Variants in CNTNAP5 observed in about 807,000 individuals in gnomAD.
CNTNAP5 encodes contactin associated protein family member 5.
A neutral mutation model predicts 150.2 loss-of-function variants in CNTNAP5; 72 were observed. The observed-to-expected ratio is 0.48, with a 90% confidence interval of 0.40 to 0.58. The LOEUF (loss-of-function observed/expected upper bound fraction) is 0.58. Among genes scored for constraint, CNTNAP5 ranks in the 20% least tolerant of loss-of-function variants. The pLI is 0.00. For synonymous variants in CNTNAP5, 672 were observed against 619.8 expected, an observed-to-expected ratio of 1.08 and a Z score of -1.25; for missense variants, 1,636 against 1,626.2, an observed-to-expected ratio of 1.01 and a Z score of -0.10.
chr2:124,122,867 C>T (rs1364366376), intron 1 of CNTNAP5, among the ~76,000 whole-genome samples: 3 of 151,726 alleles, frequency 2.0e-5, no homozygotes, highest in Non-Finnish European at 4.4e-5. Flanking sequence ...ATGTCAGTGC[C>T]CCTTCAAGGT....
intron 1 of CNTNAP5, among the ~76,000 whole-genome samples, chr2:124,057,425 G>T (rs948749290): frequency 3.2e-5 from 4 of 126,504 alleles, no homozygotes; most frequent in Non-Finnish European, 3.3e-5. Flanking sequence ...GGGACTGCAG[G>T]CACCCACCAG....
rs144771650 is a variant in CNTNAP5, at chr2:124,424,426, C to T, written c.529+6836C>T. 9.2e-5 allele frequency among the ~76,000 whole-genome samples: 14 copies of T among 152,238 alleles called. No homozygotes were observed. The East Asian group carries it at 2.5e-3, about 27-fold the overall frequency. On this transcript the variant is annotated intron_variant, in intron 4 of 23. Coordinates refer to ENST00000682447, the MANE Select transcript of CNTNAP5 (RefSeq NM_001367498.1). ...GGCAGTCCAATGTGAACTTTGATTC[C>T]CACTTTGTAAATCATAGCATTTTTA...
intron 8 of CNTNAP5, among the ~76,000 whole-genome samples, chr2:124,511,714 T>G (rs1694595157): frequency 6.6e-6 from 1 of 152,212 alleles, no homozygotes; most frequent in Non-Finnish European, 1.5e-5. Context: ...TGGTCCTGAA[T>G]GATTGGGAGT....
chr2:124,502,538 G>T (rs1026369498), intron 7 of CNTNAP5, among the ~76,000 whole-genome samples: 1 of 152,298 alleles, frequency 6.6e-6, no homozygotes, highest in African/African-American at 2.4e-5. Flanking sequence ...ATGCAGCTGT[G>T]TTCTGGCAGA....
At position 124,772,882 on chromosome 2, in the gene CNTNAP5, A is replaced by C; in HGVS notation, c.2617A>C (p.Asn873His). The change falls in exon 17 of 24, where the codon AAC (asparagine) becomes CAC (histidine). Residue 873 changes from asparagine to histidine, a missense_variant. Coordinates refer to ENST00000682447, the MANE Select transcript of CNTNAP5 (RefSeq NM_001367498.1). ...CCAGTCTCCTTCTCTTCTGAATGAC[A>C]ACCAATGGCACTATGTCCGGGCTGA... Reference protein sequence around the residue: ...VVQSPSLLNDNQWHYVRAERN... With the variant: ...VVQSPSLLNDHQWHYVRAERN... 6.2e-7 allele frequency: 1 copy of C among 1,613,670 alleles called. No individual in the cohort carries two copies. Among genetic ancestry groups the C allele is most frequent in the Non-Finnish European group, 8.5e-7 (1 of 1,179,732 alleles).
At chr2:124,328,554 C>T (rs1689274384) in intron 3 of CNTNAP5, among the ~76,000 whole-genome samples, 1 of 152,126 alleles carries the variant, frequency 6.6e-6, no homozygotes, top group Non-Finnish European at 1.5e-5. Flanking sequence ...TATTTAAGTG[C>T]TTATAAGCGT....
chr2:124,897,853 T>C (rs1222476137), intron 21 of CNTNAP5, among the ~76,000 whole-genome samples: 2 of 151,392 alleles, frequency 1.3e-5, no homozygotes, highest in Non-Finnish European at 2.9e-5. Flanking sequence ...TGTCTCACTT[T>C]CTCACTTTAT....
At chr2:124,453,440 A>C (rs1365512990) in intron 6 of CNTNAP5, among the ~76,000 whole-genome samples, 1 of 152,242 alleles carries the variant, frequency 6.6e-6, no homozygotes, top group Non-Finnish European at 1.5e-5. Context: ...GAGAAATCTA[A>C]ATGTTTGGAA....
intron 21 of CNTNAP5, among the ~76,000 whole-genome samples, chr2:124,878,139 C>A (rs989799112): frequency 6.6e-6 from 1 of 151,988 alleles, no homozygotes; most frequent in Non-Finnish European, 1.5e-5. Context: ...AGAAGCTCTG[C>A]ATCAAAAGTT....
chr2:124,491,608 T>C (rs1412259922), intron 7 of CNTNAP5, among the ~76,000 whole-genome samples: 2 of 152,136 alleles, frequency 1.3e-5, no homozygotes, highest in Admixed American at 6.5e-5. Flanking sequence ...AGATGTATAC[T>C]CAGAAGTGGA....
chr2:124,482,619 C>T (rs545168657), intron 7 of CNTNAP5, among the ~76,000 whole-genome samples: 6 of 151,966 alleles, frequency 3.9e-5, no homozygotes, highest in Admixed American at 6.6e-5. Context: ...TGTTATTTGC[C>T]GAAGAAATCT....
rs571571077 is a variant in CNTNAP5, at chr2:124,154,398, G to C, written c.83-67307G>C. Among the ~76,000 whole-genome samples, 15 of 152,186 alleles carry C rather than the reference G, an allele frequency of 9.9e-5. No individual in the cohort carries two copies. The South Asian group carries it at 2.1e-3, about 21-fold the overall frequency. On this transcript the variant is annotated intron_variant, in intron 1 of 23. Transcript: ENST00000682447. ...GCAAAATGGGTGCTATGAGCTGATG[G>C]GGGTGAGGAGAGGTGGAATGAGAGC...
chr2:124,701,511 T>C (rs1679520745), intron 13 of CNTNAP5, among the ~76,000 whole-genome samples: 2 of 152,190 alleles, frequency 1.3e-5, no homozygotes, highest in South Asian at 2.1e-4. Flanking sequence ...CTTTATGAGA[T>C]GGTGATTCCA....
At chr2:124,671,746 T>A (rs1280289693) in intron 13 of CNTNAP5, among the ~76,000 whole-genome samples, 2 of 152,100 alleles carry the variant, frequency 1.3e-5, no homozygotes, top group Non-Finnish European at 2.9e-5. Context: ...TTCAAGTGAT[T>A]CTCTTGATTC....
chr2:124,171,108 A>C (rs1308903697), intron 1 of CNTNAP5, among the ~76,000 whole-genome samples: 1 of 152,192 alleles, frequency 6.6e-6, no homozygotes, highest in Non-Finnish European at 1.5e-5. Context: ...AGATAGAAAG[A>C]AGGTTATTGC....
intron 14 of CNTNAP5, 89 bp from the exon 15 acceptor site, chr2:124,763,583 A>C (rs1681003123): frequency 1.5e-6 from 2 of 1,351,330 alleles, no homozygotes; most frequent in Non-Finnish European, 2.0e-6. Context: ...GCAACTGGCC[A>C]AATCACTTCT....
chr2:124,551,310 C>T (rs1432237634), intron 10 of CNTNAP5, among the ~76,000 whole-genome samples: 2 of 152,074 alleles, frequency 1.3e-5, no homozygotes, highest in Non-Finnish European at 2.9e-5. Context: ...TCTTTTTATT[C>T]CCTTAATTTC....
chr2:124,027,787 G>C (rs180806876), intron 1 of CNTNAP5, among the ~76,000 whole-genome samples: 2 of 152,048 alleles, frequency 1.3e-5, no homozygotes, highest in African/African-American at 2.4e-5. Flanking sequence ...TGAAGTCAGC[G>C]TTCTTAAGGA....
chr2:124,250,335 C>A (rs767985155), intron 3 of CNTNAP5, among the ~76,000 whole-genome samples: 1 of 151,914 alleles, frequency 6.6e-6, no homozygotes, highest in East Asian at 1.9e-4. Context: ...AGCAACAGTG[C>A]GTAAACTTTA....
Sources: allele counts gnomAD v4.1 joint callset (sites outside exome capture counted in the v4.1 genomes callset), GRCh38; gene constraint gnomAD v4.1.1; transcripts MANE v1.5; gene names NCBI Gene and HGNC (gene_info 2026-07-23, HGNC 2026-07-21).